ADAMTS12: variants seen among roughly 807,000 people sequenced by gnomAD.
ADAMTS12 encodes the protein A disintegrin and metalloproteinase with thrombospondin motifs 12.
In ADAMTS12, 118 loss-of-function variants were observed where a neutral mutation model predicts 167.8. That is an observed-to-expected ratio of 0.70 (90% CI 0.61 to 0.82). The LOEUF (loss-of-function observed/expected upper bound fraction) is 0.82, where lower values mean the gene tolerates loss of function less well. ADAMTS12 is among the 40% of genes least tolerant of loss of function. The pLI is 0.00. For missense variants in ADAMTS12, 1,916 were observed against 1,998.8 expected, an observed-to-expected ratio of 0.96 and a Z score of 0.79; for synonymous variants, 704 against 716.9, an observed-to-expected ratio of 0.98 and a Z score of 0.29.
At chr5:33,668,104 C>T (rs895935150) in intron 5 of ADAMTS12, among the ~76,000 whole-genome samples, 8 of 152,264 alleles carry the variant, frequency 5.3e-5, no homozygotes, top group Non-Finnish European at 8.8e-5. Flanking sequence ...GTCATCAATT[C>T]AAAATATCAT....
In ADAMTS12 at chr5:33,658,218, G is replaced by A; in HGVS notation, c.1156C>T (p.Leu386=). 1 of 1,613,692 alleles carries A rather than the reference G, an allele frequency of 6.2e-7. No homozygotes were observed. Among genetic ancestry groups the A allele is most frequent in the Middle Eastern group, 1.7e-4 (1 of 6,048 alleles). Residue 386 remains leucine, a synonymous_variant, in exon 7 of 24, where the codon CTG becomes TTG. Coordinates refer to ENST00000504830, the MANE Select transcript of ADAMTS12 (RefSeq NM_030955.4). ...AGCTCATGGGCAATTGTGAAAGCCA[G>A]AGGGAGTCCCGAATCTTCATTGATG... The part of the protein sequence containing the change: ...CNINEDSGLP[L]AFTIAHELGH...
intron 3 of ADAMTS12, among the ~76,000 whole-genome samples, chr5:33,685,656 A>G (rs979751688): frequency 4.6e-5 from 7 of 152,220 alleles, no homozygotes; most frequent in African/African-American, 1.7e-4. Flanking sequence ...CTTCAATATA[A>G]CACTTCTGAG....
chr5:33,726,597 G>A (rs1326238332), intron 3 of ADAMTS12, among the ~76,000 whole-genome samples: 1 of 152,228 alleles, frequency 6.6e-6, no homozygotes, highest in Non-Finnish European at 1.5e-5. Context: ...ATTGGTTACA[G>A]CTGGCATTTG....
At chr5:33,596,435 A>C (rs1737882280) in intron 16 of ADAMTS12, among the ~76,000 whole-genome samples, 1 of 152,172 alleles carries the variant, frequency 6.6e-6, no homozygotes, top group South Asian at 2.1e-4. Context: ...TAATCCCAGC[A>C]CTTTGGGAGG....
At chr5:33,609,203 G>T (rs1323480837) in intron 16 of ADAMTS12, among the ~76,000 whole-genome samples, 1 of 151,994 alleles carries the variant, frequency 6.6e-6, no homozygotes, top group East Asian at 1.9e-4. Context: ...CAAAAAATAA[G>T]TTTAGGTGGG....
chr5:33,731,877 G>C (rs1205324156), intron 3 of ADAMTS12, among the ~76,000 whole-genome samples: 1 of 152,022 alleles, frequency 6.6e-6, no homozygotes, highest in African/African-American at 2.4e-5. Context: ...AGATTTATAG[G>C]GTACTTAGGA....
At chr5:33,756,585 C>T (rs1460963129) in intron 2 of ADAMTS12, among the ~76,000 whole-genome samples, 2 of 152,092 alleles carry the variant, frequency 1.3e-5, no homozygotes, top group Admixed American at 1.3e-4. Flanking sequence ...GTAGGACCAC[C>T]GGGAAGATTT....
intron 3 of ADAMTS12, among the ~76,000 whole-genome samples, chr5:33,729,662 G>A (rs548673354): frequency 2.0e-5 from 3 of 152,134 alleles, no homozygotes; most frequent in Non-Finnish European, 1.5e-5. Flanking sequence ...TGTGAGCCCC[G>A]GTGGGATGGT....
In ADAMTS12 at chr5:33,712,921, T is replaced by C. The variant is rs529680476; in HGVS notation, c.635-28866A>G. Among the ~76,000 whole-genome samples, 8 of 152,196 alleles carry C rather than the reference T, an allele frequency of 5.3e-5. No homozygotes were observed. In the East Asian group the frequency reaches 5.8e-4, roughly 11 times the overall value. ...CATGGCCTAGATCCAATAGCAATCA[T>C]CTAGTGGCAGAATATGGGATTTGGC... On this transcript the variant is annotated intron_variant, in intron 3 of 23. Transcript: ENST00000504830.
chr5:33,677,218 A>C (rs892161317), intron 5 of ADAMTS12, among the ~76,000 whole-genome samples: 1 of 152,308 alleles, frequency 6.6e-6, no homozygotes, highest in Admixed American at 6.5e-5. Flanking sequence ...TGTGGGAGCT[A>C]AATGATGATG....
Position 33,743,255 on chromosome 5 carries a change from C to T in ADAMTS12, c.634+8149G>A, listed in dbSNP as rs112228029. 1.6e-3 allele frequency among the ~76,000 whole-genome samples: 243 copies of T among 152,316 alleles called. 1 individual carries two copies. The highest frequency in any genetic ancestry group is 5.4e-3 in the African/African-American group (224 of 41,564). ...ATTGAGCTCAAGAAACGGTGGGGGC[C>T]AGCAGGCCTCGGAGGCAGTCCAGGG... On this transcript the variant is annotated intron_variant, in intron 3 of 23. Transcript: ENST00000504830.
chr5:33,790,712 T>C (rs983100924), intron 2 of ADAMTS12, among the ~76,000 whole-genome samples: 19 of 148,868 alleles, frequency 1.3e-4, no homozygotes, highest in East Asian at 1.0e-3. Flanking sequence ...TGTGTGCACA[T>C]AGAGATTCAG....
chr5:33,884,597 T>C (rs1209875850), intron 1 of ADAMTS12, among the ~76,000 whole-genome samples: 1 of 152,188 alleles, frequency 6.6e-6, no homozygotes, highest in East Asian at 1.9e-4. Flanking sequence ...GGCACTCTCA[T>C]CTGTCCTGAA....
chr5:33,702,599 C>T (rs1056640725), intron 3 of ADAMTS12, among the ~76,000 whole-genome samples: 1 of 152,172 alleles, frequency 6.6e-6, no homozygotes, highest in African/African-American at 2.4e-5. Context: ...TACAAAAGTG[C>T]CCCATGAGTG....
At chr5:33,781,088 T>C (rs1040163614) in intron 2 of ADAMTS12, among the ~76,000 whole-genome samples, 2 of 152,202 alleles carry the variant, frequency 1.3e-5, no homozygotes, top group Admixed American at 1.3e-4. Context: ...ACAGCTATTA[T>C]AGCTGAGTTC....
chr5:33,617,512 G>A (rs1050811665), intron 14 of ADAMTS12, among the ~76,000 whole-genome samples: 9 of 152,108 alleles, frequency 5.9e-5, no homozygotes, highest in Admixed American at 2.0e-4. Context: ...TGTGGTTTGC[G>A]TAGTATTTAA....
chr5:33,723,181 AT>A (rs1417653255), intron 3 of ADAMTS12, among the ~76,000 whole-genome samples: 1 of 151,956 alleles, frequency 6.6e-6, no homozygotes, highest in Non-Finnish European at 1.5e-5. Context: ...TCCCCTCCCC[AT>A]TTTACTGTCA....
At chr5:33,584,637 C>T (rs759142014) in intron 18 of ADAMTS12, among the ~76,000 whole-genome samples, 6 of 152,182 alleles carry the variant, frequency 3.9e-5, no homozygotes, top group East Asian at 1.9e-4. Context: ...CCAGGCACTA[C>T]GCTAAGTGTT....
chr5:33,651,297 T>C (rs1740860833), intron 7 of ADAMTS12, among the ~76,000 whole-genome samples: 1 of 152,208 alleles, frequency 6.6e-6, no homozygotes, highest in African/African-American at 2.4e-5. Flanking sequence ...TGTGGATATG[T>C]CGATACACCA....
Sources: gnomAD v4.1 joint callset for allele counts (sites outside exome capture counted in the v4.1 genomes callset) on GRCh38, gnomAD v4.1.1 for gene constraint, MANE v1.5 for transcripts, NCBI Gene and HGNC (gene_info 2026-07-23, HGNC 2026-07-21) for gene names.